The following IPO11 variants were observed in gnomAD, a reference collection of about 807,000 sequenced individuals.
The protein encoded by IPO11 is importin-11.
In IPO11, 66 loss-of-function variants were observed where a neutral mutation model predicts 143.2. That is an observed-to-expected ratio of 0.46 (90% CI 0.38 to 0.57). The LOEUF (loss-of-function observed/expected upper bound fraction) is 0.57, where lower values mean the gene tolerates loss of function less well. Among genes scored for constraint, IPO11 ranks in the 20% least tolerant of loss-of-function variants. The pLI is 0.00. For synonymous variants in IPO11, 385 were observed against 377.8 expected (o/e 1.02, Z -0.22); for missense variants, 1,026 against 1,141.0 (o/e 0.90, Z 1.45).
In IPO11 at chr5:62,462,723, C is replaced by T. The variant is rs575387838; in HGVS notation, c.517-4408C>T. Among the ~76,000 whole-genome samples, 146 of 152,168 alleles carry T rather than the reference C, an allele frequency of 9.6e-4. 1 individual carries two copies. The Middle Eastern group carries it at 0.01, about 11-fold the overall frequency. ...TATAAAATACTTCAGAAAAATCTGA[C>T]ACAATTTCAAAATATGTGGTTATGT... is the stretch of plus-strand genomic sequence containing the variant. On this transcript the variant is annotated intron_variant, in intron 5 of 29. Transcript: ENST00000325324.
intron 7 of IPO11, 135 bp downstream of exon 7, chr5:62,470,443 A>G: frequency 4.0e-6 from 3 of 747,890 alleles, no homozygotes; most frequent in Non-Finnish European, 6.8e-6. Context: ...TACCATTCTG[A>G]CTTTTAGACT....
chr5:62,493,839 G>A lies in IPO11; in HGVS notation c.1464-159G>A, dbSNP rs375148245. On this transcript the variant is annotated intron_variant, in intron 15 of 29. Transcript: ENST00000325324. ...CCTCCTTGGCATTCCAAAGTGCTGC[G>A]ATTATAAGCATGAGCCAGCACACCT... Among the ~76,000 whole-genome samples the A allele has an allele frequency of 1.3e-4, 20 of 152,278 alleles. No homozygotes were observed. The East Asian group carries it at 2.9e-3, about 22-fold the overall frequency.
intron 19 of IPO11, 89 bp downstream of exon 19, chr5:62,506,446 G>A (rs1000548449): frequency 1.4e-6 from 1 of 706,566 alleles, no homozygotes; most frequent in South Asian, 2.0e-5. Flanking sequence ...TTGTTTAAGA[G>A]TTAAAACATT....
chr5:62,491,878 G>A (rs1746623669), intron 15 of IPO11, among the ~76,000 whole-genome samples: 1 of 151,858 alleles, frequency 6.6e-6, no homozygotes, highest in Non-Finnish European at 1.5e-5. Context: ...CACTGTGTTA[G>A]CCAGGATGAT....
Position 62,530,701 on chromosome 5 carries a change from C to A in IPO11, c.2013-8C>A. 6.2e-7 allele frequency: 1 copy of A among 1,602,940 alleles called. No homozygotes were observed. The highest frequency in any genetic ancestry group is 8.5e-7 in the Non-Finnish European group (1 of 1,170,934). On this transcript the variant is annotated splice_region_variant and splice_polypyrimidine_tract_variant and intron_variant, in intron 21 of 29. Coordinates refer to ENST00000325324, the MANE Select transcript of IPO11 (RefSeq NM_016338.5). ...AAAGTGGTTTAATCATCTGTTTTTCCTTCCTAGGTTAGTAACTTTGGAAAA... is the reference window on the plus strand; with the variant it reads ...AAAGTGGTTTAATCATCTGTTTTTCATTCCTAGGTTAGTAACTTTGGAAAA...
At chr5:62,543,351 C>G (rs1395245925) in intron 24 of IPO11, among the ~76,000 whole-genome samples, 3 of 152,158 alleles carry the variant, frequency 2.0e-5, no homozygotes, top group South Asian at 4.1e-4. Flanking sequence ...TAATTGTTGC[C>G]TCAATTTCAG....
At chr5:62,539,764 G>A (rs1191755065) in intron 24 of IPO11, among the ~76,000 whole-genome samples, 2 of 152,094 alleles carry the variant, frequency 1.3e-5, no homozygotes, top group African/African-American at 4.8e-5. Flanking sequence ...AATTTTTATT[G>A]CATTTATGCC....
chr5:62,478,473 A>AT (rs1319993871), intron 9 of IPO11, among the ~76,000 whole-genome samples: 4 of 151,812 alleles, frequency 2.6e-5, no homozygotes, highest in African/African-American at 9.7e-5. Flanking sequence ...GGCCTGTTTT[A>AT]TTTTTTTTAA....
chr5:62,569,551 A>G (rs1274786334), intron 27 of IPO11, among the ~76,000 whole-genome samples: 1 of 152,158 alleles, frequency 6.6e-6, no homozygotes, highest in African/African-American at 2.4e-5. Flanking sequence ...GCTGATTTCT[A>G]ACCTAGTTTC....
intron 27 of IPO11, among the ~76,000 whole-genome samples, chr5:62,590,218 A>T (rs552028027): frequency 6.0e-5 from 9 of 151,128 alleles, no homozygotes; most frequent in East Asian, 5.8e-4. Context: ...GTGGAAAACT[A>T]TTTTTTTTTA....
chr5:62,482,648 T>C (rs577669435), intron 9 of IPO11, among the ~76,000 whole-genome samples: 80 of 152,292 alleles, frequency 5.3e-4, no homozygotes, highest in Admixed American at 3.0e-3. Flanking sequence ...AATTCTGTTA[T>C]TCCTTTTGCA....
intron 26 of IPO11, among the ~76,000 whole-genome samples, chr5:62,559,723 C>T (rs1334681019): frequency 6.6e-6 from 1 of 151,746 alleles, no homozygotes; most frequent in Non-Finnish European, 1.5e-5. Context: ...TTGATACCAA[C>T]CTGGCCAATA....
At position 62,568,838 on chromosome 5, in the gene IPO11, G is replaced by C. The variant is rs1280349425; in HGVS notation, c.2582+7581G>C. ...TCAGTGTCTGAGCTTTAAAGAATTA[G>C]ATATTTTTTCTGTCTTCACAGCCTG... On this transcript the variant is annotated intron_variant, in intron 27 of 29. Coordinates refer to ENST00000325324, the MANE Select transcript of IPO11 (RefSeq NM_016338.5). Among the ~76,000 whole-genome samples, 4 of 152,126 alleles carry C rather than the reference G, an allele frequency of 2.6e-5. No homozygotes were observed. The East Asian group carries it at 7.7e-4, about 29-fold the overall frequency.
At chr5:62,529,369 T>C (rs1742468700) in intron 21 of IPO11, among the ~76,000 whole-genome samples, 1 of 152,154 alleles carries the variant, frequency 6.6e-6, no homozygotes, top group South Asian at 2.1e-4. Context: ...ATCTTTCTCT[T>C]AAGAAAAAAC....
intron 27 of IPO11, among the ~76,000 whole-genome samples, chr5:62,574,780 A>G (rs1744255670): frequency 6.6e-6 from 1 of 152,214 alleles, no homozygotes; most frequent in Non-Finnish European, 1.5e-5. Flanking sequence ...TAACAGGAAC[A>G]GAGATCAAGA....
In IPO11 at chr5:62,443,363, C is replaced by T. The variant is rs1279219447; in HGVS notation, c.239+280C>T. 4 of 270,162 alleles carry T rather than the reference C, an allele frequency of 1.5e-5. No homozygotes were observed. The Admixed American group carries it at 2.2e-4, about 15-fold the overall frequency. 16.7% of individuals were successfully genotyped at this position (270,162 alleles called of 1,614,324 possible). A position where few individuals can be genotyped will look rare whatever the true frequency, so the allele number is the denominator to read the frequency against. On this transcript the variant is annotated intron_variant, in intron 3 of 29. Transcript: ENST00000325324. ...AAATCAACAGCTATATTATTGTTTT[C>T]TTCATGGTTTTCCATTTGAGTGTGT...
intron 14 of IPO11, 102 bp downstream of exon 14, chr5:62,489,451 A>G (rs1222862699): frequency 8.6e-6 from 6 of 699,318 alleles, no homozygotes; most frequent in African/African-American, 3.7e-5. Flanking sequence ...TACAAGAGTA[A>G]CTAAAATACA....
chr5:62,526,262 G>T lies in IPO11; in HGVS notation c.2012+5G>T. 6.4e-7 allele frequency: 1 copy of T among 1,572,380 alleles called. No homozygotes were observed. The highest frequency in any genetic ancestry group is 8.8e-7 in the Non-Finnish European group (1 of 1,142,460). ...GGAAGATGGTTTAGAATTATGGTAA[G>T]AGGAAAAACTTAATACCATGGATCT... is the stretch of plus-strand genomic sequence containing the variant. On this transcript the variant is annotated splice_donor_5th_base_variant and intron_variant, in intron 21 of 29. Coordinates refer to ENST00000325324, the MANE Select transcript of IPO11 (RefSeq NM_016338.5).
chr5:62,551,478 A>G, intron 26 of IPO11, 142 bp downstream of exon 26: 1 of 501,878 alleles, frequency 2.0e-6, no homozygotes, highest in Non-Finnish European at 3.5e-6. Context: ...ATGCTGTATC[A>G]ATAATTTGGG....
Sources: allele counts gnomAD v4.1 joint callset (sites outside exome capture counted in the v4.1 genomes callset), GRCh38; gene constraint gnomAD v4.1.1; transcripts MANE v1.5; gene names NCBI Gene and HGNC (gene_info 2026-07-23, HGNC 2026-07-21).